RNF216: variants seen among roughly 807,000 people sequenced by gnomAD.
RNF216 encodes the protein ring finger protein 216.
Under a neutral mutation model 110.8 loss-of-function variants are expected in RNF216, and 72 were observed. That is an observed-to-expected ratio of 0.65 (90% CI 0.54 to 0.79). RNF216 has a LOEUF of 0.79. Among genes scored for constraint, RNF216 ranks in the 30% least tolerant of loss-of-function variants. The pLI is 0.00. For synonymous variants in RNF216, 495 were observed against 407.5 expected (o/e 1.21, Z -2.59); for missense variants, 1,342 against 1,141.2 (o/e 1.18, Z -2.54).
At chr7:5,738,723 A>G (rs1331918756) in intron 5 of RNF216, among the ~76,000 whole-genome samples, 2 of 151,922 alleles carry the variant, frequency 1.3e-5, no homozygotes, top group East Asian at 3.9e-4. Flanking sequence ...AAAAAAAAAA[A>G]AAAAAAAAAT....
At chr7:5,671,424 G>A (rs914432224) in intron 13 of RNF216, among the ~76,000 whole-genome samples, 1 of 152,206 alleles carries the variant, frequency 6.6e-6, no homozygotes, top group Non-Finnish European at 1.5e-5. Context: ...GACAATGACT[G>A]TATTTGGAGA....
At chr7:5,634,570 C>A (rs1562774433) in intron 15 of RNF216, among the ~76,000 whole-genome samples, 2 of 152,192 alleles carry the variant, frequency 1.3e-5, no homozygotes, top group Non-Finnish European at 2.9e-5. Context: ...GGAGGCAGGA[C>A]AGTGTGCTGG....
chr7:5,768,104 G>A (rs767344819), intron 1 of RNF216, among the ~76,000 whole-genome samples: 3 of 151,940 alleles, frequency 2.0e-5, no homozygotes, highest in Admixed American at 1.3e-4. Context: ...CCACAATGGA[G>A]GAGTATCATT....
At chr7:5,692,362 T>A (rs1038445575) in intron 13 of RNF216, among the ~76,000 whole-genome samples, 3 of 152,240 alleles carry the variant, frequency 2.0e-5, no homozygotes, top group African/African-American at 7.2e-5. Flanking sequence ...CAGACATTTT[T>A]AAAAAGCGGT....
At chr7:5,685,198 G>A (rs1326662139) in intron 13 of RNF216, among the ~76,000 whole-genome samples, 3 of 152,174 alleles carry the variant, frequency 2.0e-5, no homozygotes, top group African/African-American at 4.8e-5. Context: ...ACCACGGATG[G>A]GTGGGCATGG....
chr7:5,654,323 G>A (rs1341191156), intron 13 of RNF216, among the ~76,000 whole-genome samples: 1 of 152,090 alleles, frequency 6.6e-6, no homozygotes, highest in Non-Finnish European at 1.5e-5. Flanking sequence ...TAAAAAGGGA[G>A]AAAAATGGAA....
chr7:5,658,144 T>C (rs369547541), intron 13 of RNF216, among the ~76,000 whole-genome samples: 16 of 152,196 alleles, frequency 1.1e-4, no homozygotes, highest in African/African-American at 3.9e-4. Context: ...TGGGATTGAC[T>C]ACAGTAAGTG....
rs1464133662 is a variant in RNF216, at chr7:5,641,321, G to A, written c.2215C>T (p.Leu739Phe). 3.1e-6 allele frequency: 5 copies of A among 1,614,038 alleles called. No individual in the cohort carries two copies. Among genetic ancestry groups the A allele is most frequent in the Non-Finnish European group, 4.2e-6 (5 of 1,180,046 alleles). ...CGGTTGCAGCCTTCAGATTTGATGA[G>A]GCCAGTCCCACACTTGTGGCATTTT... ...IRKCHKCGTG[L>F]IKSEGCNRMS... The change falls in exon 15 of 17, where the codon CTC becomes TTC. Residue 739 changes from leucine to phenylalanine, a missense_variant. By Grantham distance (22) the Leu-to-Phe change is conservative (BLOSUM62 0). Coordinates refer to ENST00000389902, the MANE Select transcript of RNF216 (RefSeq NM_207111.4).
chr7:5,757,742 G>A (rs1207597024), intron 2 of RNF216, among the ~76,000 whole-genome samples: 1 of 152,180 alleles, frequency 6.6e-6, no homozygotes, highest in Non-Finnish European at 1.5e-5. Context: ...AGGACTAACT[G>A]CAAAGAGGCA....
At position 5,754,334 on chromosome 7, in the gene RNF216, A is replaced by AT. The variant is rs200107868; in HGVS notation, c.68-1356dup. 1.3e-3 allele frequency among the ~76,000 whole-genome samples: 202 copies of AT among 150,884 alleles called. 4 individuals are homozygous for AT. In the East Asian group the frequency reaches 0.031, roughly 23 times the overall value. ...CTTTGAACAGTTACTTAAAAAAAAA[A>AT]TTTTTTTTTGTAGAGATGGAGTCTC... On this transcript the variant is annotated intron_variant, in intron 2 of 16. Coordinates refer to ENST00000389902, the MANE Select transcript of RNF216 (RefSeq NM_207111.4).
intron 5 of RNF216, among the ~76,000 whole-genome samples, chr7:5,731,678 C>T (rs1794099764): frequency 6.6e-6 from 1 of 151,232 alleles, no homozygotes; most frequent in East Asian, 1.9e-4. Flanking sequence ...ATGGGGACTT[C>T]CCCTTTTCTC....
At chr7:5,746,842 G>C (rs1795054425) in intron 3 of RNF216, among the ~76,000 whole-genome samples, 1 of 152,202 alleles carries the variant, frequency 6.6e-6, no homozygotes, top group African/African-American at 2.4e-5. Context: ...AGATGAAAAA[G>C]AGTGTTCATC....
chr7:5,626,875 A>G (rs1321049209), intron 15 of RNF216, among the ~76,000 whole-genome samples: 1 of 152,194 alleles, frequency 6.6e-6, no homozygotes, highest in Non-Finnish European at 1.5e-5. Context: ...GCTCATGATT[A>G]GGACACAGGA....
At position 5,779,634 on chromosome 7, in the gene RNF216, A is replaced by G. The variant is rs12666262; in HGVS notation, c.-70+1907T>C. Among the ~76,000 whole-genome samples, 53 of 145,782 alleles carry G rather than the reference A, an allele frequency of 3.6e-4. No individual in the cohort carries two copies. In the East Asian group the frequency reaches 0.01, roughly 28 times the overall value. On this transcript the variant is annotated intron_variant, in intron 1 of 16. Transcript: ENST00000389902. ...GGTCACTTAAACCCAGGAGTTGGGC[A>G]GCACAGCTAGACTCCGTCTCTTAAA...
chr7:5,651,132 C>T (rs1389126323), intron 14 of RNF216, among the ~76,000 whole-genome samples: 1 of 152,168 alleles, frequency 6.6e-6, no homozygotes, highest in Non-Finnish European at 1.5e-5. Flanking sequence ...TTCCCACTTT[C>T]TTTGGGTTTG....
chr7:5,706,783 C>T (rs1239855542), intron 13 of RNF216, among the ~76,000 whole-genome samples: 3 of 152,218 alleles, frequency 2.0e-5, no homozygotes, highest in Non-Finnish European at 4.4e-5. Flanking sequence ...TTAGTAGTCA[C>T]TTGCCTGTTT....
intron 10 of RNF216, among the ~76,000 whole-genome samples, chr7:5,715,941 C>T (rs1335489058): frequency 1.3e-5 from 2 of 151,956 alleles, no homozygotes; most frequent in Non-Finnish European, 2.9e-5. Flanking sequence ...CGGGGTTTCA[C>T]CACGTTGACC....
chr7:5,778,737 T>C (rs568885364), intron 1 of RNF216, among the ~76,000 whole-genome samples: 2 of 136,658 alleles, frequency 1.5e-5, no homozygotes, highest in East Asian at 3.9e-4. Context: ...CCTCAGTTTC[T>C]TTTTTTAAAA....
intron 1 of RNF216, among the ~76,000 whole-genome samples, chr7:5,768,013 AAC>A (rs796946740): frequency 4.8e-4 from 73 of 152,244 alleles, no homozygotes; most frequent in African/African-American, 1.7e-3. Context: ...GCAAAATGAA[AAC>A]AGACTTAATA....
Sources: allele counts gnomAD v4.1 joint callset (sites outside exome capture counted in the v4.1 genomes callset), GRCh38; gene constraint gnomAD v4.1.1; transcripts MANE v1.5; gene names NCBI Gene and HGNC (gene_info 2026-07-23, HGNC 2026-07-21).